GGTA1: variants seen among roughly 807,000 people sequenced by gnomAD.
GGTA1 encodes the protein glycoprotein alpha-galactosyltransferase 1 (inactive).
In GGTA1, 5 loss-of-function variants were observed where a neutral mutation model predicts 2.6. That is an observed-to-expected ratio of 1.92 (90% CI 1.00 to 4.04). The LOEUF is 4.04. GGTA1 is among the 30% of genes most tolerant of loss of function. The probability of loss-of-function intolerance (pLI) is 0.00; values close to 1 mark genes in which losing one functional copy is unlikely to be tolerated. For synonymous variants in GGTA1, 17 were observed against 5.0 expected (o/e 3.38, Z -3.19); for missense variants, 50 against 16.7 (o/e 2.99, Z -3.47).
intron 7 of GGTA1, among the ~76,000 whole-genome samples, chr9:121,449,100 A>G (rs961594214): frequency 3.9e-5 from 6 of 152,218 alleles, no homozygotes; most frequent in Non-Finnish European, 8.8e-5. Flanking sequence ...TTTACTTAGT[A>G]ACATATCTTT....
At chr9:121,486,481 C>A (rs1391997014) in intron 1 of GGTA1, among the ~76,000 whole-genome samples, 2 of 152,216 alleles carry the variant, frequency 1.3e-5, no homozygotes, top group Non-Finnish European at 2.9e-5. Flanking sequence ...AGTCTGGACC[C>A]AGTGAGCCTA....
intron 1 of GGTA1, among the ~76,000 whole-genome samples, chr9:121,493,120 C>T (rs946215892): frequency 2.0e-5 from 3 of 149,904 alleles, no homozygotes; most frequent in Non-Finnish European, 3.0e-5. Context: ...GGTGACGGAA[C>T]GAGACTCTGT....
At chr9:121,450,935 C>A (rs1238864218), downstream of GGTA1, among the ~76,000 whole-genome samples, 1 of 152,146 alleles carries the variant, frequency 6.6e-6, no homozygotes, top group Non-Finnish European at 1.5e-5. Context: ...ACTATCAGAT[C>A]TTTACAGAGC....
intron 1 of GGTA1, among the ~76,000 whole-genome samples, chr9:121,487,869 C>T (rs575723920): frequency 6.6e-6 from 1 of 152,148 alleles, no homozygotes; most frequent in African/African-American, 2.4e-5. Context: ...GTGCGTGCCA[C>T]CACGCCCAGC....
chr9:121,487,862 C>G (rs12339600), intron 1 of GGTA1, among the ~76,000 whole-genome samples: 1 of 151,604 alleles, frequency 6.6e-6, no homozygotes, highest in Non-Finnish European at 1.5e-5. Context: ...ATTACAGGTG[C>G]GTGCCACCAC....
intron 5 of GGTA1, among the ~76,000 whole-genome samples, chr9:121,458,396 G>A (rs1392565738): frequency 6.6e-6 from 1 of 151,690 alleles, no homozygotes; most frequent in Non-Finnish European, 1.5e-5. Flanking sequence ...GGGAGGCCGA[G>A]GCAGGGGATC....
intron 1 of GGTA1, among the ~76,000 whole-genome samples, chr9:121,474,216 T>A (rs989578227): frequency 2.6e-5 from 4 of 152,052 alleles, no homozygotes; most frequent in African/African-American, 9.7e-5. Flanking sequence ...CAGCCTGCAA[T>A]GGTCCAGAGC....
At chr9:121,478,352 C>A (rs904814295) in intron 1 of GGTA1, among the ~76,000 whole-genome samples, 5 of 152,176 alleles carry the variant, frequency 3.3e-5, no homozygotes, top group African/African-American at 1.2e-4. Context: ...TCACAATGGT[C>A]AGTGCGGTGG....
chr9:121,477,088 C>T (rs1357343240), intron 1 of GGTA1, among the ~76,000 whole-genome samples: 1 of 152,232 alleles, frequency 6.6e-6, no homozygotes, highest in African/African-American at 2.4e-5. Flanking sequence ...ACAGCCACCT[C>T]GTGCTCCACC....
intron 5 of GGTA1, among the ~76,000 whole-genome samples, chr9:121,457,186 T>C (rs2064918723): frequency 6.6e-6 from 1 of 152,170 alleles, no homozygotes; most frequent in Non-Finnish European, 1.5e-5. Flanking sequence ...CCAGACTGTG[T>C]GTCTTGAGCC....
At chr9:121,472,357 G>A (rs1366901733) in intron 1 of GGTA1, among the ~76,000 whole-genome samples, 2 of 151,954 alleles carry the variant, frequency 1.3e-5, no homozygotes, top group African/African-American at 2.4e-5. Context: ...AAGAGATAAT[G>A]TTGCCCATAA....
chr9:121,496,731 CAAAAAAA>C (rs772847384), intron 1 of GGTA1, among the ~76,000 whole-genome samples: 31 of 31,206 alleles, frequency 9.9e-4, no homozygotes, highest in African/African-American at 2.8e-3. Context: ...GGCTCCATCT[CAAAAAAA>C]AAAAAAAAAA....
chr9:121,485,402 C>T (rs923149414), intron 1 of GGTA1, among the ~76,000 whole-genome samples: 9 of 152,084 alleles, frequency 5.9e-5, no homozygotes, highest in South Asian at 2.1e-4. Context: ...TTCAGTATCC[C>T]GTCCTAACTA....
chr9:121,487,324 T>A (rs1828779879), intron 1 of GGTA1, among the ~76,000 whole-genome samples: 1 of 151,908 alleles, frequency 6.6e-6, no homozygotes, highest in Non-Finnish European at 1.5e-5. Flanking sequence ...CACACCTTAA[T>A]CCCAGCACTT....
At chr9:121,496,373 C>CTT (rs1232666547) in intron 1 of GGTA1, among the ~76,000 whole-genome samples, 57 of 152,110 alleles carry the variant, frequency 3.7e-4, no homozygotes, top group Non-Finnish European at 7.6e-4. Flanking sequence ...TCCATATCAC[C>CTT]ATATCCCTAT....
rs34747249 is a variant in GGTA1, at chr9:121,488,125, A to ATGTGTGTG, written c.-10+11517_-10+11524dup. Among the ~76,000 whole-genome samples the ATGTGTGTG allele has an allele frequency of 4.6e-5, 7 of 150,938 alleles. No individual in the cohort carries two copies. In the East Asian group the frequency reaches 5.9e-4, roughly 13 times the overall value. ...TGTGTGTGTGTGCGTGTGTGCGTGC[A>ATGTGTGTG]TGTGTGTGTGTGTGTGTTTAAAGTT... On this transcript the variant is annotated intron_variant, in intron 1 of 5. Coordinates refer to ENST00000481799, the MANE Select transcript of GGTA1 (RefSeq NM_001382585.1).
At chr9:121,457,458 T>C (rs967407345) in intron 5 of GGTA1, among the ~76,000 whole-genome samples, 5 of 152,092 alleles carry the variant, frequency 3.3e-5, no homozygotes, top group African/African-American at 4.8e-5. Context: ...CCCAGCACTT[T>C]GGGAGGCTGA....
At chr9:121,480,764 G>A (rs1377019147) in intron 1 of GGTA1, among the ~76,000 whole-genome samples, 1 of 152,132 alleles carries the variant, frequency 6.6e-6, no homozygotes, top group Admixed American at 6.5e-5. Flanking sequence ...AACTATTTAA[G>A]CCAAACAGAT....
At chr9:121,467,661 C>T (rs1396588980) in intron 2 of GGTA1, among the ~76,000 whole-genome samples, 182 bp downstream of exon 2, 1 of 152,150 alleles carries the variant, frequency 6.6e-6, no homozygotes, top group Non-Finnish European at 1.5e-5. Context: ...CCAGAAGTCA[C>T]TTGGGAGAGC....
Sources: gnomAD v4.1 joint callset for allele counts (sites outside exome capture counted in the v4.1 genomes callset) on GRCh38, gnomAD v4.1.1 for gene constraint, MANE v1.5 for transcripts, NCBI Gene and HGNC (gene_info 2026-07-23, HGNC 2026-07-21) for gene names.